The following DOT1L variants were observed in gnomAD, a reference collection of about 807,000 sequenced individuals.
DOT1L encodes DOT1 like histone lysine methyltransferase, also known as histone-lysine N-methyltransferase, H3 lysine-79 specific.
In DOT1L, 33 loss-of-function variants were observed where a neutral mutation model predicts 153.3. The observed-to-expected ratio is 0.22, with a 90% CI of 0.16 to 0.29. The LOEUF is 0.29. Among genes scored for constraint, DOT1L ranks in the 10% least tolerant of loss-of-function variants. The pLI is 1.00. For synonymous variants in DOT1L, 1,135 were observed against 965.1 expected (o/e 1.18, Z -3.26); for missense variants, 1,847 against 2,119.9 (o/e 0.87, Z 2.53).
rs1383706893 is a variant in DOT1L at position 2,214,473 on chromosome 19, C to T, written c.1800C>T (p.Leu600=). ...CTGTCCCATCCCTATCCCCTCAGCTCAAGGCTCGCTGCGAGGAGCTGCAGC... is the reference window on the plus strand; with the variant it reads ...CTGTCCCATCCCTATCCCCTCAGCTTAAGGCTCGCTGCGAGGAGCTGCAGC... ...RALRGQSLQL[L]KARCEELQLD... Residue 600 remains leucine (L), a splice_region_variant and synonymous_variant, in exon 19 of 28, where the codon CTC becomes CTT. Transcript: ENST00000398665. 6.2e-7 allele frequency: 1 copy of T among 1,612,788 alleles called. No homozygotes were observed. Among genetic ancestry groups the T allele is most frequent in the Non-Finnish European group, 8.5e-7 (1 of 1,179,788 alleles).
At position 2,230,246 on chromosome 19, in the gene DOT1L, C is replaced by T. The variant is rs576378606; in HGVS notation, c.*454C>T. Reference sequence around the variant, plus strand: ...CAACGCCGAACCCCGTTCTCGGAAACGCCGCCCGGCCGGCTCCCCCGACGC... The same window carrying T: ...CAACGCCGAACCCCGTTCTCGGAAATGCCGCCCGGCCGGCTCCCCCGACGC... On this transcript the variant is annotated 3_prime_UTR_variant, in exon 28 of 28. Coordinates refer to ENST00000398665, the MANE Select transcript of DOT1L (RefSeq NM_032482.3). 9.6e-5 allele frequency: 40 copies of T among 415,492 alleles called. 1 individual carries two copies. The highest frequency in any genetic ancestry group is 8.1e-4 in the South Asian group (9 of 11,046). The allele number at this position is 415,492 out of a possible 1,614,324, so 25.7% of individuals were successfully genotyped here.
chr19:2,216,597 T>C lies in DOT1L; in HGVS notation c.2240T>C (p.Val747Ala), dbSNP rs751006812. 1.2e-6 allele frequency: 2 copies of C among 1,607,736 alleles called. No individual in the cohort carries two copies. Among genetic ancestry groups the C allele is most frequent in the Admixed American group, 1.7e-5 (1 of 60,016 alleles). ...CTGGCCTCACCCCTGGACCAGGAGG[T>C]GGTGCCCTGTACCCCTAGCCACGTC... The part of the protein sequence containing the change: ...QYLASPLDQE[V>A]VPCTPSHVGR... The change falls in exon 20 of 28, where the codon GTG (valine) becomes GCG (alanine). Residue 747 changes from valine (V) to alanine (A), a missense_variant. Coordinates refer to ENST00000398665, the MANE Select transcript of DOT1L (RefSeq NM_032482.3).
chr19:2,199,638 A>G (rs375412235), intron 7 of DOT1L, among the ~76,000 whole-genome samples: 23 of 152,276 alleles, frequency 1.5e-4, no homozygotes, highest in African/African-American at 5.1e-4. Flanking sequence ...GGCCTCCCCA[A>G]GCGGATGCTG....
chr19:2,171,544 C>T (rs1462433443), intron 1 of DOT1L, among the ~76,000 whole-genome samples: 1 of 152,260 alleles, frequency 6.6e-6, no homozygotes, highest in East Asian at 1.9e-4. Flanking sequence ...TTGGGGCAGC[C>T]CCACCACCGA....
chr19:2,204,697 T>C lies in DOT1L; in HGVS notation c.787+1918T>C, dbSNP rs2023427830. Among the ~76,000 whole-genome samples, 1 of 152,186 alleles carries C rather than the reference T, an allele frequency of 6.6e-6. No homozygotes were observed. The highest frequency in any genetic ancestry group is 1.5e-5 in the Non-Finnish European group (1 of 68,024). On this transcript the variant is annotated intron_variant, in intron 9 of 27. Coordinates refer to ENST00000398665, the MANE Select transcript of DOT1L (RefSeq NM_032482.3). This position sits in a 1 kb window ranked among gnomAD's most constrained non-coding sequence, Gnocchi z 5.7. ...CCAGTGAAGGGCAGGTGGCCAGTAGTGCTGATTCTAGGGGCCTTGATGGTC... is the reference window on the plus strand; with the variant it reads ...CCAGTGAAGGGCAGGTGGCCAGTAGCGCTGATTCTAGGGGCCTTGATGGTC...
At chr19:2,182,436 G>A (rs111235851) in intron 2 of DOT1L, among the ~76,000 whole-genome samples, 10,939 of 152,210 alleles carry the variant, frequency 0.072, 668 homozygotes, top group African/African-American at 0.16. Context: ...AGCTACTTGC[G>A]GGGCTGAGGT....
intron 1 of DOT1L, 88 bp downstream of exon 1, chr19:2,164,353 C>A: frequency 1.1e-6 from 1 of 888,734 alleles, no homozygotes; most frequent in Non-Finnish European, 1.5e-6. Context: ...AAGCCGCGCT[C>A]ACCGGTCCCC....
intron 1 of DOT1L, among the ~76,000 whole-genome samples, chr19:2,178,344 C>G (rs2022054756): frequency 7.3e-6 from 1 of 137,804 alleles, no homozygotes; most frequent in Admixed American, 7.6e-5. Context: ...GCCTGGCCAA[C>G]ATGGTGAAAC....
chr19:2,195,296 G>A (rs1056515345), intron 7 of DOT1L, among the ~76,000 whole-genome samples: 2 of 152,116 alleles, frequency 1.3e-5, no homozygotes, highest in Admixed American at 1.3e-4. Flanking sequence ...TTAGACACCA[G>A]GCTCCGCCCT....
chr19:2,227,557 G>C, intron 27 of DOT1L: 2 of 661,966 alleles, frequency 3.0e-6, no homozygotes, highest in South Asian at 3.6e-5. Context: ...CTGCGGGGCG[G>C]GGGGCCGGAG....
In DOT1L at chr19:2,210,794, A is replaced by T. The variant is rs2144833103; in HGVS notation, c.1290A>T (p.Gln430His). 6.2e-7 allele frequency: 1 copy of T among 1,612,902 alleles called. No individual in the cohort carries two copies. The highest frequency in any genetic ancestry group is 8.5e-7 in the Non-Finnish European group (1 of 1,179,974). Residue 430 changes from glutamine (Q) to histidine (H), a missense_variant, in exon 14 of 28, where the codon CAA (glutamine) becomes CAT (histidine). Transcript: ENST00000398665. ...ANPERKPKKN[Q>H]TALDALHAQT... The stretch of plus-strand genomic sequence containing the variant: ...CCGAGCGGAAGCCCAAGAAGAACCA[A>T]ACTGCACTGGATGCCCTGCACGCTC...
chr19:2,191,528 A>T lies in DOT1L; in HGVS notation c.493+288A>T, dbSNP rs919800712. ...TCGTCCTGCTTCCCACCAGCTGGGG[A>T]GCTAGACCTGTGCACCCTCTACTGC... On this transcript the variant is annotated intron_variant, in intron 5 of 27. Transcript: ENST00000398665. This position sits in a 1 kb window ranked among gnomAD's most constrained non-coding sequence, Gnocchi z 6.8. Among the ~76,000 whole-genome samples, 1 of 151,660 alleles carries T rather than the reference A, an allele frequency of 6.6e-6. No homozygotes were observed. Among genetic ancestry groups the T allele is most frequent in the African/African-American group, 2.4e-5 (1 of 41,210 alleles).
chr19:2,184,386 A>G (rs1000533581), intron 2 of DOT1L, among the ~76,000 whole-genome samples: 1 of 151,850 alleles, frequency 6.6e-6, no homozygotes, highest in Non-Finnish European at 1.5e-5. Context: ...TTCAGTGTGG[A>G]AGGGTCTTGG....
intron 7 of DOT1L, among the ~76,000 whole-genome samples, chr19:2,196,878 C>T (rs1056528809): frequency 1.3e-5 from 2 of 152,206 alleles, no homozygotes; most frequent in Admixed American, 6.5e-5. Flanking sequence ...TGCTCTCCCT[C>T]GGGTGGAGGA....
At chr19:2,218,763 C>T (rs1248983879) in intron 22 of DOT1L, among the ~76,000 whole-genome samples, 1 of 151,328 alleles carries the variant, frequency 6.6e-6, no homozygotes, top group East Asian at 1.9e-4. Context: ...ATTGTGTGAT[C>T]TCGGCTCACT....
At chr19:2,203,164 G>A (rs542234220) in intron 9 of DOT1L, among the ~76,000 whole-genome samples, 81 of 151,806 alleles carry the variant, frequency 5.3e-4, no homozygotes, top group African/African-American at 1.7e-3. Flanking sequence ...GTGCAGTGGC[G>A]CGATCTCAGC....
At chr19:2,171,682 T>A (rs1340420873) in intron 1 of DOT1L, among the ~76,000 whole-genome samples, 1 of 152,228 alleles carries the variant, frequency 6.6e-6, no homozygotes, top group Non-Finnish European at 1.5e-5. Flanking sequence ...TTTTATTTCC[T>A]GAGTGCTTCC....
At chr19:2,184,314 C>T (rs1437157109) in intron 2 of DOT1L, among the ~76,000 whole-genome samples, 1 of 152,078 alleles carries the variant, frequency 6.6e-6, no homozygotes, top group African/African-American at 2.4e-5. Flanking sequence ...GGACGGGTGA[C>T]GAGAGGCACC....
In DOT1L at chr19:2,224,564, T is replaced by G. The variant is rs2024253874; in HGVS notation, c.3597-824T>G. ...CTCACTGACCCTCCGCCTCCTGGGT[T>G]CAAGTGATTCTCCTGCCTCAGCCTC... On this transcript the variant is annotated intron_variant, in intron 25 of 27. Transcript: ENST00000398665. Among the ~76,000 whole-genome samples the G allele has an allele frequency of 2.6e-5, 4 of 151,844 alleles. No individual in the cohort carries two copies. In the South Asian group the frequency reaches 8.3e-4, roughly 32 times the overall value.
Sources: gnomAD v4.1 joint callset for allele counts (sites outside exome capture counted in the v4.1 genomes callset) on GRCh38, gnomAD v4.1.1 for gene constraint, Gnocchi (gnomAD v3.1) non-coding constraint, MANE v1.5 for transcripts, NCBI Gene and HGNC (gene_info 2026-07-23, HGNC 2026-07-21) for gene names.